Variants in NSD2 observed in about 807,000 individuals in gnomAD.
NSD2 encodes histone-lysine N-methyltransferase NSD2.
In NSD2, 12 loss-of-function variants were observed where a neutral mutation model predicts 139.0. The observed-to-expected ratio is 0.09, with a 90% CI of 0.06 to 0.14. The LOEUF (loss-of-function observed/expected upper bound fraction) is 0.14. Among genes scored for constraint, NSD2 ranks in the 10% least tolerant of loss-of-function variants. The pLI is 1.00. For missense variants in NSD2, 1,155 were observed against 1,745.0 expected (o/e 0.66, Z 6.02); for synonymous variants, 669 against 648.7 (o/e 1.03, Z -0.48).
At chr4:1,903,989 C>T (rs1370778359) in intron 2 of NSD2, among the ~76,000 whole-genome samples, 3 of 152,182 alleles carry the variant, frequency 2.0e-5, no homozygotes, top group Non-Finnish European at 4.4e-5. Flanking sequence ...CCACGTTGGC[C>T]TCCCAAAGTG....
intron 5 of NSD2, 118 bp downstream of exon 5, chr4:1,918,741 AT>A: frequency 7.3e-7 from 1 of 1,362,136 alleles, no homozygotes; most frequent in Non-Finnish European, 9.9e-7. Flanking sequence ...CCTTGCATAG[AT>A]TTTAGATCTA....
At chr4:1,904,929 G>C (rs141528201) in intron 3 of NSD2, among the ~76,000 whole-genome samples, 1 of 152,142 alleles carries the variant, frequency 6.6e-6, no homozygotes, top group Non-Finnish European at 1.5e-5. Flanking sequence ...TCAGGAGTTC[G>C]AGACTAGCCT....
At chr4:1,959,267 C>T (rs1725135304) in intron 16 of NSD2, among the ~76,000 whole-genome samples, 1 of 152,144 alleles carries the variant, frequency 6.6e-6, no homozygotes, top group African/African-American at 2.4e-5. Flanking sequence ...TTGTGTTGCC[C>T]TGCCTGCCTC....
chr4:1,952,254 C>A, intron 11 of NSD2, 23 bp downstream of exon 11: 1 of 1,611,806 alleles, frequency 6.2e-7, no homozygotes, highest in Non-Finnish European at 8.5e-7. Flanking sequence ...GGGCGGGCAG[C>A]TCTGCAGCCT....
intron 1 of NSD2, among the ~76,000 whole-genome samples, chr4:1,895,701 G>A (rs757714898): frequency 2.6e-5 from 4 of 152,184 alleles, no homozygotes; most frequent in South Asian, 2.1e-4. Flanking sequence ...TGGCTCTCCC[G>A]GGGAGAGGGG....
At chr4:1,924,983 A>G (rs750589697) in intron 5 of NSD2, among the ~76,000 whole-genome samples, 1 of 151,998 alleles carries the variant, frequency 6.6e-6, no homozygotes, top group Admixed American at 6.6e-5. Flanking sequence ...TGCCCTGCCC[A>G]CCCCTGGTTC....
rs1727783730 is a variant in NSD2, at chr4:1,981,734, C to G, written c.*2825C>G. 1 of 396,742 alleles carries G rather than the reference C, an allele frequency of 2.5e-6. No homozygotes were observed. The highest frequency in any genetic ancestry group is 1.4e-4 in the South Asian group (1 of 7,146). The allele number at this position is 396,742 out of a possible 1,614,324, so 24.6% of individuals were successfully genotyped here. A position where few individuals can be genotyped will look rare whatever the true frequency, so the allele number is the denominator to read the frequency against. On this transcript the variant is annotated 3_prime_UTR_variant, in exon 22 of 22. Coordinates refer to ENST00000508803, the MANE Select transcript of NSD2 (RefSeq NM_001042424.3). ...CATCTAAACCCCGGCGTGTGCAGTG[C>G]CCATCTTCCAGGACTACCTTATTTT...
chr4:1,982,037 T>G lies in NSD2; in HGVS notation c.*3128T>G, dbSNP rs901339699. 9.5e-5 allele frequency: 38 copies of G among 398,012 alleles called. No individual in the cohort carries two copies. The highest frequency in any genetic ancestry group is 1.3e-4 in the Non-Finnish European group (30 of 225,918). 24.7% of individuals were successfully genotyped at this position (398,012 alleles called of 1,614,324 possible). On this transcript the variant is annotated 3_prime_UTR_variant, in exon 22 of 22. Transcript: ENST00000508803. ...TGGGTGCTGTCACCAGGTTTGATAG[T>G]TAGACTTAAAAACTTGAAATTCACT...
intron 18 of NSD2, among the ~76,000 whole-genome samples, chr4:1,963,119 A>G (rs1358081305): frequency 1.3e-5 from 2 of 152,226 alleles, no homozygotes; most frequent in Admixed American, 6.5e-5. Flanking sequence ...CAACACCCTC[A>G]TAGGATGACA....
intron 1 of NSD2, among the ~76,000 whole-genome samples, chr4:1,899,779 C>T (rs1716916340): frequency 6.6e-6 from 1 of 152,226 alleles, no homozygotes; most frequent in Non-Finnish European, 1.5e-5. Flanking sequence ...CCCTTCTGCA[C>T]GTGGGCCTCA....
At chr4:1,925,389 CTTTTTTTTTTTT>C (rs34335852) in intron 5 of NSD2, among the ~76,000 whole-genome samples, 19 of 38,000 alleles carry the variant, frequency 5.0e-4, no homozygotes, top group South Asian at 2.0e-3. Context: ...CTTTTTCTTT[CTTTTTTTTTTTT>C]TTTTTTTTTT....
chr4:1,978,528 A>G, intron 21 of NSD2, 110 bp from the exon 22 acceptor site: 1 of 1,453,766 alleles, frequency 6.9e-7, no homozygotes, highest in Non-Finnish European at 9.3e-7. Flanking sequence ...TGGAGCCAGC[A>G]CTATTTTGTG....
In NSD2 at chr4:1,918,334, C is replaced by T. The variant is rs773370922; in HGVS notation, c.1121C>T (p.Ala374Val). ...GCTGCAGAGTCTTTGGGAGAAATGG[C>T]AGAATCCTCAGGAGTCAGTGAAGAA... ...GIAAESLGEM[A>V]ESSGVSEEAA... Residue 374 changes from alanine to valine, a missense_variant, in exon 5 of 22, where the codon GCA becomes GTA. This residue lies in a region of NSD2 where 420 missense variants were observed against 469.0 expected (regional missense o/e 0.90). Coordinates refer to ENST00000508803, the MANE Select transcript of NSD2 (RefSeq NM_001042424.3). 3 of 1,614,024 alleles carry T rather than the reference C, an allele frequency of 1.9e-6. No homozygotes were observed. Among genetic ancestry groups the T allele is most frequent in the Non-Finnish European group, 2.5e-6 (3 of 1,180,032 alleles).
At chr4:1,901,960 C>T (rs373006516) in intron 2 of NSD2, among the ~76,000 whole-genome samples, 4 of 152,278 alleles carry the variant, frequency 2.6e-5, no homozygotes, top group African/African-American at 4.8e-5. Flanking sequence ...CACGCCTTCA[C>T]GTGGCACTCG....
At chr4:1,952,577 C>T (rs921904867) in intron 11 of NSD2, among the ~76,000 whole-genome samples, 1 of 152,194 alleles carries the variant, frequency 6.6e-6, no homozygotes, top group Non-Finnish European at 1.5e-5. Flanking sequence ...TCAGACAGTG[C>T]AGCATTAAGG....
chr4:1,924,420 G>A (rs886512782), intron 5 of NSD2, among the ~76,000 whole-genome samples: 15 of 152,026 alleles, frequency 9.9e-5, no homozygotes, highest in African/African-American at 3.6e-4. Flanking sequence ...TCTACAACCT[G>A]TTCACTAGTT....
intron 8 of NSD2, 112 bp downstream of exon 8, chr4:1,938,644 C>A (rs1047590656): frequency 5.0e-6 from 4 of 801,566 alleles, no homozygotes; most frequent in South Asian, 2.2e-5. Context: ...GGGAACAGGG[C>A]AGGGGAGGAA....
chr4:1,889,319 G>T (rs1715356670), intron 1 of NSD2, among the ~76,000 whole-genome samples: 1 of 151,794 alleles, frequency 6.6e-6, no homozygotes, highest in African/African-American at 2.4e-5. Flanking sequence ...TCAGCTTCCT[G>T]AGTAGCTGGG....
intron 1 of NSD2, 110 bp from the exon 2 acceptor site, chr4:1,900,516 G>A: frequency 1.6e-6 from 1 of 619,320 alleles, no homozygotes; most frequent in East Asian, 3.1e-5. Flanking sequence ...ATCATAAATT[G>A]CTTACAAAGA....
Sources: allele counts gnomAD v4.1 joint callset (sites outside exome capture counted in the v4.1 genomes callset), GRCh38; gene constraint gnomAD v4.1.1; regional missense constraint gnomAD v4.1.1; transcripts MANE v1.5; gene names NCBI Gene and HGNC (gene_info 2026-07-23, HGNC 2026-07-21).